PCDHA4: variants seen among roughly 807,000 people sequenced by gnomAD.
The protein encoded by PCDHA4 is protocadherin alpha-4.
A neutral mutation model predicts 61.4 loss-of-function variants in PCDHA4; 49 were observed. The ratio of observed to expected loss-of-function variants is 0.80; its 90% CI spans 0.63 to 1.01. PCDHA4 has a LOEUF of 1.01. Among genes scored for constraint, PCDHA4 ranks in the 50% least tolerant of loss-of-function variants. PCDHA4 has a pLI of 0.00. For synonymous variants in PCDHA4, 590 were observed against 550.3 expected (o/e 1.07, Z -1.01); for missense variants, 1,254 against 1,235.8 (o/e 1.01, Z -0.22).
intron 1 of PCDHA4, chr5:140,862,870 G>T: frequency 1.8e-6 from 1 of 569,162 alleles, no homozygotes; most frequent in Non-Finnish European, 3.4e-6. Flanking sequence ...GACGCTGCCA[G>T]GTATTAGTGC....
intron 1 of PCDHA4, among the ~76,000 whole-genome samples, chr5:140,948,503 A>G (rs949915439): frequency 1.4e-4 from 22 of 151,736 alleles, no homozygotes; most frequent in Middle Eastern, 3.4e-3. Flanking sequence ...TAGACTTTCT[A>G]TTAAAAATGT....
At chr5:140,888,108 T>C (rs1554183322) in intron 1 of PCDHA4, among the ~76,000 whole-genome samples, 1 of 152,248 alleles carries the variant, frequency 6.6e-6, no homozygotes, top group Non-Finnish European at 1.5e-5. Flanking sequence ...CTTCTTTTAA[T>C]CTATCTTCTT....
intron 1 of PCDHA4, chr5:140,836,172 G>A (rs782290158): frequency 6.2e-7 from 1 of 1,613,766 alleles, no homozygotes; most frequent in Non-Finnish European, 8.5e-7. Flanking sequence ...GGTACGTGCA[G>A]TTGACGCTGA....
chr5:140,871,184 A>T, intron 1 of PCDHA4: 1 of 1,613,552 alleles, frequency 6.2e-7, no homozygotes, highest in Non-Finnish European at 8.5e-7. Flanking sequence ...GCGCTGGTGG[A>T]TGTCAACGTG....
chr5:140,928,940 AT>A (rs573936635), intron 1 of PCDHA4: 94 of 1,614,062 alleles, frequency 5.8e-5, no homozygotes, highest in Non-Finnish European at 7.9e-5. Flanking sequence ...CAGAACTTGT[AT>A]TTAGTAATTG....
Position 140,870,063 on chromosome 5 carries a change from G to A in PCDHA4, c.2385+60491G>A. ...ACAAGTTTTATAAAATTGAAGTACA[G>A]GCTACAGATAAGGGGACTCCCCCAA... On this transcript the variant is annotated intron_variant, in intron 1 of 3. Transcript: ENST00000530339. 1.9e-6 allele frequency: 3 copies of A among 1,613,854 alleles called. No homozygotes were observed. The East Asian group carries it at 6.7e-5, about 36-fold the overall frequency.
chr5:140,843,577 A>G, intron 1 of PCDHA4: 1 of 1,595,954 alleles, frequency 6.3e-7, no homozygotes, highest in East Asian at 2.2e-5. Context: ...CATACTCGCA[A>G]CAACAGCCGC....
At chr5:140,895,137 G>A (rs1184479322) in intron 1 of PCDHA4, among the ~76,000 whole-genome samples, 2 of 152,072 alleles carry the variant, frequency 1.3e-5, no homozygotes, top group Non-Finnish European at 2.9e-5. Context: ...CAAGTTCATA[G>A]GGCTAAGACA....
At chr5:140,898,306 G>T (rs192633483) in intron 1 of PCDHA4, among the ~76,000 whole-genome samples, 3 of 152,228 alleles carry the variant, frequency 2.0e-5, no homozygotes, top group African/African-American at 4.8e-5. Flanking sequence ...TTTCTTCTAG[G>T]GTTTTTATGG....
At chr5:140,813,284 ATC>A (rs1554126160) in intron 1 of PCDHA4, 160 of 152,310 alleles carry the variant, frequency 1.1e-3, no homozygotes, top group African/African-American at 3.8e-3. Context: ...TGAGAATTGT[ATC>A]ATTCTGAGAT....
chr5:140,968,949 T>C, intron 1 of PCDHA4: 1 of 1,614,180 alleles, frequency 6.2e-7, no homozygotes, highest in Non-Finnish European at 8.5e-7. Flanking sequence ...ATTTTGAGCA[T>C]CATCAAGTGC....
intron 3 of PCDHA4, among the ~76,000 whole-genome samples, chr5:141,008,590 T>G (rs1259352249): frequency 6.6e-6 from 1 of 152,216 alleles, no homozygotes; most frequent in Non-Finnish European, 1.5e-5. Context: ...CAGGGCAGAT[T>G]TCACCTCCTC....
At chr5:140,837,441 C>T (rs1199592642) in intron 1 of PCDHA4, among the ~76,000 whole-genome samples, 4 of 151,714 alleles carry the variant, frequency 2.6e-5, no homozygotes, top group Admixed American at 6.6e-5. Flanking sequence ...AAATCTAGTA[C>T]GTAGTAAAAA....
intron 1 of PCDHA4, among the ~76,000 whole-genome samples, chr5:140,950,918 G>C (rs1229704497): frequency 6.6e-6 from 1 of 151,584 alleles, no homozygotes; most frequent in African/African-American, 2.4e-5. Context: ...TTTTATTTCA[G>C]TTCTTTTTCT....
chr5:140,891,820 G>A (rs1341896388), intron 1 of PCDHA4, among the ~76,000 whole-genome samples: 1 of 152,102 alleles, frequency 6.6e-6, no homozygotes, highest in African/African-American at 2.4e-5. Context: ...TAAATTAACG[G>A]CACTGTAAAA....
In PCDHA4 at chr5:140,968,959, C is replaced by T. The variant is rs782079520; in HGVS notation, c.2386-9990C>T. ...TCATCATTTTGAGCATCATCAAGTG[C>T]TACCGCTACACTGCGTATGGCACTG... On this transcript the variant is annotated intron_variant, in intron 1 of 3. Transcript: ENST00000530339. The T allele has an allele frequency of 1.5e-5, 25 of 1,614,182 alleles. 1 individual carries two copies. In the Middle Eastern group the frequency reaches 1.8e-3, roughly 117 times the overall value.
At chr5:140,892,207 A>C (rs1562863208) in intron 1 of PCDHA4, among the ~76,000 whole-genome samples, 1 of 152,110 alleles carries the variant, frequency 6.6e-6, no homozygotes, top group African/African-American at 2.4e-5. Context: ...TGTGTTTTAA[A>C]ATTGTATCTT....
At chr5:140,830,666 A>G in intron 1 of PCDHA4, 1 of 390,320 alleles carries the variant, frequency 2.6e-6, no homozygotes, top group Non-Finnish European at 4.2e-6. Flanking sequence ...AATTTAAGTG[A>G]AATTAGAAAT....
intron 1 of PCDHA4, chr5:140,828,544 G>C: frequency 6.2e-7 from 1 of 1,614,214 alleles, no homozygotes; most frequent in Non-Finnish European, 8.5e-7. Flanking sequence ...CAGATTCTGT[G>C]TTTCCACTGG....
Sources: gnomAD v4.1 joint callset for allele counts (sites outside exome capture counted in the v4.1 genomes callset) on GRCh38, gnomAD v4.1.1 for gene constraint, MANE v1.5 for transcripts, NCBI Gene and HGNC (gene_info 2026-07-23, HGNC 2026-07-21) for gene names.